Variants in CCSER1 observed in about 807,000 individuals in gnomAD.
CCSER1 encodes the protein serine-rich coiled-coil domain-containing protein 1.
In CCSER1, 41 loss-of-function variants were observed where a neutral mutation model predicts 82.0. The ratio of observed to expected loss-of-function variants is 0.50; its 90% confidence interval spans 0.39 to 0.65. The LOEUF is 0.65. Among genes scored for constraint, CCSER1 ranks in the 30% least tolerant of loss-of-function variants. The probability of loss-of-function intolerance (pLI) is 0.00; values close to 1 mark genes in which losing one functional copy is unlikely to be tolerated. For missense variants in CCSER1, 1,119 were observed against 1,064.2 expected, an observed-to-expected ratio of 1.05 and a Z score of -0.72; for synonymous variants, 414 against 383.9, an observed-to-expected ratio of 1.08 and a Z score of -0.92.
At chr4:90,372,748 T>G (rs1747654432) in intron 3 of CCSER1, among the ~76,000 whole-genome samples, 1 of 151,304 alleles carries the variant, frequency 6.6e-6, no homozygotes, top group South Asian at 2.1e-4. Context: ...AAAACCCATC[T>G]GAAAAAACGT....
intron 8 of CCSER1, among the ~76,000 whole-genome samples, chr4:90,923,132 G>T (rs1728618965): frequency 6.6e-6 from 1 of 152,142 alleles, no homozygotes; most frequent in South Asian, 2.1e-4. Flanking sequence ...CTGTTGAACT[G>T]TGGTTCTGAC....
intron 9 of CCSER1, among the ~76,000 whole-genome samples, chr4:91,056,836 C>A (rs1208555832): frequency 6.6e-6 from 1 of 152,074 alleles, no homozygotes; most frequent in Non-Finnish European, 1.5e-5. Flanking sequence ...AAGCCTGTGT[C>A]TTTCTTTGGG....
At chr4:90,211,301 A>G (rs1437222040) in intron 1 of CCSER1, among the ~76,000 whole-genome samples, 1 of 152,198 alleles carries the variant, frequency 6.6e-6, no homozygotes, top group Non-Finnish European at 1.5e-5. Flanking sequence ...CTATTTGTAA[A>G]AGTCATATCT....
intron 3 of CCSER1, among the ~76,000 whole-genome samples, chr4:90,374,325 T>C (rs1285393568): frequency 1.3e-5 from 2 of 152,276 alleles, no homozygotes; most frequent in African/African-American, 4.8e-5. Flanking sequence ...TGGAAAGTTA[T>C]TAGCAGATAG....
intron 8 of CCSER1, among the ~76,000 whole-genome samples, chr4:90,876,175 A>G (rs1767181742): frequency 3.9e-5 from 6 of 152,090 alleles, no homozygotes. Flanking sequence ...TTAGAAGACC[A>G]GAAAAGCTGT....
intron 1 of CCSER1, among the ~76,000 whole-genome samples, chr4:90,259,556 C>T (rs1222939301): frequency 6.6e-6 from 1 of 151,996 alleles, no homozygotes; most frequent in Non-Finnish European, 1.5e-5. Context: ...CTCCAGTTCT[C>T]AGGGGAAATG....
rs568293326 is a variant in CCSER1 at position 90,734,337 on chromosome 4, G to A, written c.2010+10346G>A. Among the ~76,000 whole-genome samples, 20 of 152,100 alleles carry A rather than the reference G, an allele frequency of 1.3e-4. No individual in the cohort carries two copies. The South Asian group carries it at 2.5e-3, about 19-fold the overall frequency. ...AGACGGGGTTTCACTGCGTTAGCCA[G>A]GATGGTCTCGATCTCCTGACCTCGT... On this transcript the variant is annotated intron_variant, in intron 7 of 10. Coordinates refer to ENST00000509176, the MANE Select transcript of CCSER1 (RefSeq NM_001145065.2).
At chr4:90,815,928 G>T in intron 8 of CCSER1, 83 bp downstream of exon 8, 1 of 810,472 alleles carries the variant, frequency 1.2e-6, no homozygotes, top group Non-Finnish European at 2.0e-6. Context: ...TAACACCAAT[G>T]GCATTAGTTA....
intron 8 of CCSER1, among the ~76,000 whole-genome samples, chr4:90,881,539 A>G (rs1721317673): frequency 6.6e-6 from 1 of 152,160 alleles, no homozygotes; most frequent in African/African-American, 2.4e-5. Context: ...TAGGAGGCCA[A>G]GGCGGGTGGA....
intron 7 of CCSER1, among the ~76,000 whole-genome samples, chr4:90,734,938 A>G (rs1019811600): frequency 1.1e-4 from 16 of 152,162 alleles, no homozygotes; most frequent in African/African-American, 3.9e-4. Context: ...CCCATTTAGC[A>G]TAAGCTGTGG....
At chr4:90,345,560 AATCAAT>A (rs1412240481) in intron 3 of CCSER1, among the ~76,000 whole-genome samples, 1 of 152,100 alleles carries the variant, frequency 6.6e-6, no homozygotes, top group Non-Finnish European at 1.5e-5. Flanking sequence ...AAAACTCTTA[AATCAAT>A]AGTTTGTAGT....
chr4:91,533,116 A>C (rs1378389066), intron 10 of CCSER1, among the ~76,000 whole-genome samples: 2 of 152,190 alleles, frequency 1.3e-5, no homozygotes, highest in Non-Finnish European at 2.9e-5. Context: ...ACGGGCAATA[A>C]GTTATTATTT....
At chr4:90,861,926 ATTTT>A (rs70963087) in intron 8 of CCSER1, among the ~76,000 whole-genome samples, 20 of 125,660 alleles carry the variant, frequency 1.6e-4, no homozygotes, top group South Asian at 2.5e-4. Context: ...ATATATATAT[ATTTT>A]TTTTTTCTGT....
intron 6 of CCSER1, among the ~76,000 whole-genome samples, chr4:90,666,950 A>G (rs1171608793): frequency 6.6e-6 from 1 of 152,206 alleles, no homozygotes; most frequent in Non-Finnish European, 1.5e-5. Context: ...AAAGAAAATA[A>G]TAACTCTAAT....
intron 8 of CCSER1, among the ~76,000 whole-genome samples, chr4:90,868,040 C>T (rs1765959746): frequency 6.6e-6 from 1 of 151,834 alleles, no homozygotes; most frequent in African/African-American, 2.4e-5. Flanking sequence ...CACTTATTTT[C>T]TTTTTAAAAA....
At chr4:90,715,077 A>T (rs147532099) in intron 6 of CCSER1, among the ~76,000 whole-genome samples, 7 of 152,070 alleles carry the variant, frequency 4.6e-5, no homozygotes, top group African/African-American at 1.7e-4. Flanking sequence ...TCCTACCTTT[A>T]TATGAAACAA....
chr4:90,375,738 G>T (rs535415049), intron 3 of CCSER1, among the ~76,000 whole-genome samples: 9 of 152,088 alleles, frequency 5.9e-5, no homozygotes, highest in Non-Finnish European at 1.0e-4. Context: ...CAAACCTCTG[G>T]ATGTCCTCCA....
intron 9 of CCSER1, among the ~76,000 whole-genome samples, chr4:91,033,620 T>C (rs1741176153): frequency 6.6e-6 from 1 of 152,156 alleles, no homozygotes; most frequent in South Asian, 2.1e-4. Context: ...CTACTCACGC[T>C]ATCATGACCT....
Position 90,759,266 on chromosome 4 carries a change from G to A in CCSER1, c.2010+35275G>A, listed in dbSNP as rs1336459473. Among the ~76,000 whole-genome samples the A allele has an allele frequency of 2.0e-5, 3 of 152,264 alleles. No homozygotes were observed. In the East Asian group the frequency reaches 5.8e-4, roughly 29 times the overall value. On this transcript the variant is annotated intron_variant, in intron 7 of 10. Transcript: ENST00000509176. ...TTCTCTAATAGACTGTAATTAATCT[G>A]AAGGCAAGAATGACGTTTTATTTAT...
Sources: gnomAD v4.1 joint callset for allele counts (sites outside exome capture counted in the v4.1 genomes callset) on GRCh38, gnomAD v4.1.1 for gene constraint, MANE v1.5 for transcripts, NCBI Gene and HGNC (gene_info 2026-07-23, HGNC 2026-07-21) for gene names.